Variants in ZNF638 observed in about 807,000 individuals in gnomAD.
ZNF638 encodes zinc finger protein 638.
A neutral mutation model predicts 195.6 loss-of-function variants in ZNF638; 46 were observed. That is an observed-to-expected ratio of 0.24 (90% CI 0.19 to 0.30). The LOEUF (loss-of-function observed/expected upper bound fraction) is 0.30. Among genes scored for constraint, ZNF638 ranks in the 10% least tolerant of loss-of-function variants. The probability of loss-of-function intolerance (pLI) is 1.00; values close to 1 mark genes in which losing one functional copy is unlikely to be tolerated. For synonymous variants in ZNF638, 845 were observed against 772.0 expected (o/e 1.09, Z -1.57); for missense variants, 2,440 against 2,325.3 (o/e 1.05, Z -1.01).
At chr2:71,373,574 A>G (rs947328224) in intron 8 of ZNF638, among the ~76,000 whole-genome samples, 1 of 148,640 alleles carries the variant, frequency 6.7e-6, no homozygotes, top group African/African-American at 2.5e-5. Context: ...CCTCCTGAGT[A>G]CCTGGGACTA....
intron 10 of ZNF638, among the ~76,000 whole-genome samples, chr2:71,392,436 C>T (rs1204995249): frequency 2.0e-5 from 3 of 152,214 alleles, no homozygotes; most frequent in Admixed American, 2.0e-4. Flanking sequence ...CGAATCCGTT[C>T]AGCCCATTAA....
intron 18 of ZNF638, among the ~76,000 whole-genome samples, 183 bp from the exon 19 acceptor site, chr2:71,405,945 C>T (rs908207192): frequency 7.2e-5 from 11 of 152,086 alleles, no homozygotes; most frequent in African/African-American, 1.7e-4. Context: ...CATTTTAGTA[C>T]GTCATTTTAC....
intron 6 of ZNF638, among the ~76,000 whole-genome samples, chr2:71,366,829 T>C (rs1479061691): frequency 2.6e-5 from 4 of 152,204 alleles, no homozygotes; most frequent in African/African-American, 9.7e-5. Context: ...GACTGTAACC[T>C]ACTGGTTACG....
At chr2:71,334,585 A>T (rs943336113) in intron 1 of ZNF638, 3 of 152,368 alleles carry the variant, frequency 2.0e-5, no homozygotes, top group Admixed American at 1.3e-4. Flanking sequence ...AAGGAAAAAG[A>T]GTGAGGAAAA....
chr2:71,402,652 T>C (rs2080029945), intron 16 of ZNF638, among the ~76,000 whole-genome samples: 1 of 152,176 alleles, frequency 6.6e-6, no homozygotes, highest in Non-Finnish European at 1.5e-5. Context: ...GGTTTATCTT[T>C]ATGTTCTAAA....
At chr2:71,405,815 AC>A (rs2152579313) in intron 18 of ZNF638, among the ~76,000 whole-genome samples, 173 bp downstream of exon 18, 1 of 152,288 alleles carries the variant, frequency 6.6e-6, no homozygotes, top group South Asian at 2.1e-4. Context: ...TTCTTGTAGT[AC>A]TTGATGCGAA....
At chr2:71,370,358 C>T (rs986763416) in intron 8 of ZNF638, among the ~76,000 whole-genome samples, 6 of 152,150 alleles carry the variant, frequency 3.9e-5, no homozygotes, top group African/African-American at 1.4e-4. Flanking sequence ...CACAAGTAAA[C>T]ACTAACTTGA....
intron 1 of ZNF638, among the ~76,000 whole-genome samples, chr2:71,347,864 T>C (rs898817867): frequency 3.9e-5 from 6 of 152,240 alleles, no homozygotes; most frequent in African/African-American, 1.4e-4. Flanking sequence ...TAACCTTGAA[T>C]ACAAATCTCA....
chr2:71,343,408 G>T (rs954140360), intron 1 of ZNF638, among the ~76,000 whole-genome samples: 4 of 152,158 alleles, frequency 2.6e-5, no homozygotes, highest in African/African-American at 9.7e-5. Context: ...CCCCACAGTG[G>T]CATGCAGGAT....
intron 20 of ZNF638, 115 bp from the exon 21 acceptor site, chr2:71,418,487 A>T: frequency 1.5e-6 from 1 of 687,862 alleles, no homozygotes. Flanking sequence ...CTGCTTTGAT[A>T]CATTTTTAAG....
chr2:71,421,424 G>T (rs2080430889), intron 21 of ZNF638, among the ~76,000 whole-genome samples: 1 of 152,000 alleles, frequency 6.6e-6, no homozygotes, highest in South Asian at 2.1e-4. Context: ...AATATATATT[G>T]ATTAAGGTTT....
intron 20 of ZNF638, among the ~76,000 whole-genome samples, chr2:71,417,918 T>C (rs1045368790): frequency 6.6e-6 from 1 of 152,212 alleles, no homozygotes; most frequent in African/African-American, 2.4e-5. Context: ...AAAATCTTTC[T>C]AGAAGACTTC....
At chr2:71,419,602 T>G (rs958384689) in intron 21 of ZNF638, among the ~76,000 whole-genome samples, 2 of 152,176 alleles carry the variant, frequency 1.3e-5, no homozygotes, top group African/African-American at 4.8e-5. Context: ...ACAGGGTTAT[T>G]TAAGTTGTAT....
rs1459700564 is a variant in ZNF638, at chr2:71,364,240, G to C, written c.1705G>C (p.Val569Leu). 6.2e-7 allele frequency: 1 copy of C among 1,613,654 alleles called. No homozygotes were observed. The highest frequency in any genetic ancestry group is 1.1e-5 in the South Asian group (1 of 91,046). ...CCCTGAGAGGATGTCAAGGAGATCA[G>C]TGAGATCATCAGGTACACTGATGGC... ...VSPERMSRRS[V>L]RSSDRKKALE... Residue 569 changes from valine (V) to leucine (L), a missense_variant, in exon 5 of 28, where the codon GTG becomes CTG. Transcript: ENST00000264447.
intron 4 of ZNF638, 47 bp from the exon 5 acceptor site, chr2:71,363,907 T>C: frequency 1.3e-6 from 2 of 1,554,434 alleles, no homozygotes; most frequent in Non-Finnish European, 1.7e-6. Flanking sequence ...TCATTTAAAT[T>C]TACATTAAAT....
chr2:71,388,041 A>T (rs2079680170), intron 10 of ZNF638, among the ~76,000 whole-genome samples: 1 of 152,128 alleles, frequency 6.6e-6, no homozygotes, highest in African/African-American at 2.4e-5. Context: ...AAAAAATCCT[A>T]CCAGTTTCCA....
At position 71,370,109 on chromosome 2, in the gene ZNF638, T is replaced by G. The variant is rs368995363; in HGVS notation, c.2265+104T>G. The G allele has an allele frequency of 7.5e-5, 94 of 1,246,870 alleles. 1 individual carries two copies. In the South Asian group the frequency reaches 1.1e-3, roughly 14 times the overall value. 77.2% of individuals were successfully genotyped at this position (1,246,870 alleles called of 1,614,324 possible). On this transcript the variant is annotated intron_variant, in intron 8 of 27. Coordinates refer to ENST00000264447, the MANE Select transcript of ZNF638 (RefSeq NM_014497.5). The stretch of plus-strand genomic sequence containing the variant: ...AGAAATAGGCATAGAAACATAAATG[T>G]TAGCTCAACACATTATATGTGCATT...
intron 10 of ZNF638, among the ~76,000 whole-genome samples, chr2:71,391,775 C>G (rs540574792): frequency 6.6e-6 from 1 of 152,332 alleles, no homozygotes; most frequent in Admixed American, 6.5e-5. Context: ...AACCTGTTTT[C>G]TATCCTAAAA....
At position 71,390,725 on chromosome 2, in the gene ZNF638, G is replaced by A. The variant is rs78042237; in HGVS notation, c.2378-5416G>A. The stretch of plus-strand genomic sequence containing the variant: ...GAATTTTACTGGCTTATAGGATACA[G>A]GGGTGAATATTTCGATTATTAGTTA... On this transcript the variant is annotated intron_variant, in intron 10 of 27. Coordinates refer to ENST00000264447, the MANE Select transcript of ZNF638 (RefSeq NM_014497.5). 3.0e-3 allele frequency among the ~76,000 whole-genome samples: 456 copies of A among 152,234 alleles called. 2 individuals carry two copies. Among genetic ancestry groups the A allele is most frequent in the African/African-American group, 0.011 (441 of 41,530 alleles).
Sources: gnomAD v4.1 joint callset for allele counts (sites outside exome capture counted in the v4.1 genomes callset) on GRCh38, gnomAD v4.1.1 for gene constraint, MANE v1.5 for transcripts, NCBI Gene and HGNC (gene_info 2026-07-23, HGNC 2026-07-21) for gene names.